RGS6: variants seen among roughly 807,000 people sequenced by gnomAD.
RGS6 encodes regulator of G-protein signaling 6.
In RGS6, 30 loss-of-function variants were observed where a neutral mutation model predicts 78.5. That is an observed-to-expected ratio of 0.38 (90% CI 0.29 to 0.52). The LOEUF (loss-of-function observed/expected upper bound fraction) is 0.52, where lower values mean the gene tolerates loss of function less well. Among genes scored for constraint, RGS6 ranks in the 20% least tolerant of loss-of-function variants. The pLI is 0.85. For missense variants in RGS6, 495 were observed against 609.7 expected, an observed-to-expected ratio of 0.81 and a Z score of 1.98; for synonymous variants, 206 against 206.0, an observed-to-expected ratio of 1.00 and a Z score of 0.00.
At chr14:72,155,463 A>G (rs577509585) in intron 2 of RGS6, among the ~76,000 whole-genome samples, 32 of 152,330 alleles carry the variant, frequency 2.1e-4, no homozygotes, top group Non-Finnish European at 3.8e-4. Flanking sequence ...CTAACCACCC[A>G]CAATGCAGAT....
intron 12 of RGS6, among the ~76,000 whole-genome samples, chr14:72,493,720 C>T (rs186155789): frequency 9.2e-5 from 14 of 151,494 alleles, no homozygotes; most frequent in Admixed American, 2.0e-4. Context: ...AACCAAAGAA[C>T]GAGAATCAAA....
intron 3 of RGS6, among the ~76,000 whole-genome samples, chr14:72,357,797 G>A (rs1291193771): frequency 6.6e-6 from 1 of 152,198 alleles, no homozygotes; most frequent in African/African-American, 2.4e-5. Context: ...CAAGCTGGCT[G>A]CAGAAATTTG....
At chr14:72,498,982 C>G (rs1055892194) in intron 13 of RGS6, among the ~76,000 whole-genome samples, 1 of 152,182 alleles carries the variant, frequency 6.6e-6, no homozygotes, top group Non-Finnish European at 1.5e-5. Flanking sequence ...CCCTCTCTTA[C>G]AGTGAGACAG....
At chr14:72,304,185 T>C (rs1046284960) in intron 2 of RGS6, among the ~76,000 whole-genome samples, 3 of 152,232 alleles carry the variant, frequency 2.0e-5, no homozygotes, top group African/African-American at 7.2e-5. Context: ...GTGAACAGTG[T>C]CCTCCTCCCC....
chr14:72,602,569 G>A, the RGS6 span, among the ~76,000 whole-genome samples: 7 of 152,328 alleles, frequency 4.6e-5, no homozygotes, highest in East Asian at 1.9e-4. Flanking sequence ...CTCACAGTGC[G>A]CACCGAGGCA....
chr14:72,070,544 T>C (rs1050553640), intron 2 of RGS6, among the ~76,000 whole-genome samples: 1 of 152,212 alleles, frequency 6.6e-6, no homozygotes, highest in Admixed American at 6.5e-5. Flanking sequence ...GTGTTGGTGG[T>C]GGTGCTGCTG....
the RGS6 span, among the ~76,000 whole-genome samples, chr14:71,920,093 C>T: frequency 1.3e-5 from 2 of 152,170 alleles, no homozygotes; most frequent in Middle Eastern, 3.4e-3. Flanking sequence ...GGCAGCTCAC[C>T]CTTACATGAA....
downstream of RGS6, among the ~76,000 whole-genome samples, chr14:72,568,455 C>T (rs1346976782): frequency 6.6e-6 from 1 of 152,198 alleles, no homozygotes; most frequent in East Asian, 1.9e-4. Flanking sequence ...TGAGAGCTGC[C>T]CTTCCCGCCA....
At chr14:72,335,676 GGAA>G (rs960727659) in intron 2 of RGS6, among the ~76,000 whole-genome samples, 2 of 152,132 alleles carry the variant, frequency 1.3e-5, no homozygotes, top group East Asian at 1.9e-4. Context: ...GGGCCACAAT[GGAA>G]GAAGAAGAAT....
At chr14:72,216,799 C>T (rs2045676363) in intron 2 of RGS6, among the ~76,000 whole-genome samples, 1 of 152,132 alleles carries the variant, frequency 6.6e-6, no homozygotes, top group Non-Finnish European at 1.5e-5. Context: ...TCTCTGCTTT[C>T]CCCTATGCCT....
At chr14:72,317,385 C>T (rs574918727) in intron 2 of RGS6, among the ~76,000 whole-genome samples, 2 of 152,254 alleles carry the variant, frequency 1.3e-5, no homozygotes, top group Non-Finnish European at 1.5e-5. Flanking sequence ...TAATCTCACA[C>T]CAGTGTCCTT....
chr14:72,207,060 A>G (rs2042888393), intron 2 of RGS6, among the ~76,000 whole-genome samples: 1 of 152,204 alleles, frequency 6.6e-6, no homozygotes, highest in Non-Finnish European at 1.5e-5. Context: ...TTATGAAACA[A>G]TTTAAACATC....
intron 2 of RGS6, among the ~76,000 whole-genome samples, chr14:72,269,535 C>T (rs991364916): frequency 7.4e-5 from 11 of 147,986 alleles, no homozygotes; most frequent in Middle Eastern, 3.3e-3. Context: ...CATGTCTTTA[C>T]TGAAATGTTT....
intron 2 of RGS6, among the ~76,000 whole-genome samples, chr14:72,203,094 C>G (rs532720311): frequency 6.6e-6 from 1 of 152,068 alleles, no homozygotes; most frequent in African/African-American, 2.4e-5. Flanking sequence ...CCAGGATGGT[C>G]TCGATCTCCT....
At chr14:71,972,677 G>A (rs2093883457) in intron 2 of RGS6, among the ~76,000 whole-genome samples, 1 of 152,124 alleles carries the variant, frequency 6.6e-6, no homozygotes, top group Non-Finnish European at 1.5e-5. Flanking sequence ...TGTTGGAGAA[G>A]TGGTAGGATT....
At chr14:72,189,309 C>G (rs535094925) in intron 2 of RGS6, among the ~76,000 whole-genome samples, 198 of 152,268 alleles carry the variant, frequency 1.3e-3, no homozygotes, top group Non-Finnish European at 2.0e-3. Context: ...GTATGTTAGG[C>G]CTTGTCCTGG....
chr14:71,946,861 T>C (rs951537028), intron 1 of RGS6, among the ~76,000 whole-genome samples: 15 of 152,294 alleles, frequency 9.8e-5, no homozygotes, highest in African/African-American at 3.6e-4. Context: ...TTGATGAACT[T>C]AAAACTTTAA....
At chr14:72,395,269 A>G (rs2152966093) in intron 3 of RGS6, among the ~76,000 whole-genome samples, 1 of 152,352 alleles carries the variant, frequency 6.6e-6, no homozygotes, top group South Asian at 2.1e-4. Context: ...AACGATGTTG[A>G]GCATTAAGTG....
At chr14:72,196,418 G>A (rs1212824948) in intron 2 of RGS6, among the ~76,000 whole-genome samples, 7 of 152,184 alleles carry the variant, frequency 4.6e-5, no homozygotes, top group East Asian at 3.9e-4. Context: ...GTCCCCCATC[G>A]GGTGGGAGGA....
Sources: allele counts gnomAD v4.1 joint callset (sites outside exome capture counted in the v4.1 genomes callset), GRCh38; gene constraint gnomAD v4.1.1; transcripts MANE v1.5; gene names NCBI Gene and HGNC (gene_info 2026-07-23, HGNC 2026-07-21).